The following TNNT3 variants were observed in gnomAD, a reference collection of about 807,000 sequenced individuals.
TNNT3 encodes troponin T, fast skeletal muscle.
TNNT3 carries 36 observed loss-of-function variants against 54.2 expected under a neutral mutation model. The ratio of observed to expected loss-of-function variants is 0.66; its 90% CI spans 0.51 to 0.88. The LOEUF (loss-of-function observed/expected upper bound fraction) is 0.88, where lower values mean the gene tolerates loss of function less well. Among genes scored for constraint, TNNT3 ranks in the 40% least tolerant of loss-of-function variants. TNNT3 has a pLI of 0.00. For missense variants in TNNT3, 291 were observed against 331.6 expected (o/e 0.88, Z 0.95); for synonymous variants, 120 against 109.7 (o/e 1.09, Z -0.59).
chr11:1,934,516 G>C (rs767259065), intron 12 of TNNT3, 30 bp from the exon 13 acceptor site: 7 of 1,607,408 alleles, frequency 4.4e-6, no homozygotes, highest in Non-Finnish European at 5.1e-6. Context: ...CCTGAGACCA[G>C]GCCCCTCTCT....
In TNNT3 at chr11:1,922,883, C is replaced by A. The variant is rs750777064; in HGVS notation, c.9C>A (p.Asp3Glu). The change falls in exon 2 of 16, where the codon GAC becomes GAA. Residue 3 changes from aspartate (D) to glutamate (E), a missense_variant. By Grantham distance (45) the Asp-to-Glu change is conservative. Transcript: ENST00000278317. MSDEEVEQVEEQY... is the reference protein window; with the variant it reads MSEEEVEQVEEQY... ...AACCACCCACCTTCACCATGTCTGACGAGGAAGTGTGAGTACCCAGCTGGT... is the reference window on the plus strand; with the variant it reads ...AACCACCCACCTTCACCATGTCTGAAGAGGAAGTGTGAGTACCCAGCTGGT... The A allele has an allele frequency of 1.2e-6, 2 of 1,613,638 alleles. No homozygotes were observed. The highest frequency in any genetic ancestry group is 1.7e-6 in the Non-Finnish European group (2 of 1,180,002).
intron 6 of TNNT3, among the ~76,000 whole-genome samples, chr11:1,927,428 C>A (rs1004761387): frequency 1.3e-5 from 2 of 152,146 alleles, no homozygotes; most frequent in Non-Finnish European, 2.9e-5. Context: ...TGCTTCTCAG[C>A]TCCCCCCGTT....
chr11:1,932,407 G>C, intron 8 of TNNT3, 62 bp from the exon 9 acceptor site: 1 of 1,548,102 alleles, frequency 6.5e-7, no homozygotes, highest in East Asian at 2.2e-5. Flanking sequence ...GAAAGCGCCA[G>C]GCTGACCCTC....
rs1855053483 is a variant in TNNT3 at position 1,936,393 on chromosome 11, C to G, written c.682-570C>G. ...GGAGCCTTCCTCCTGCCCCCGCTCTCCCCTCGTGCCTGCAGCCGGGGGCTT... is the reference window on the plus strand; with the variant it reads ...GGAGCCTTCCTCCTGCCCCCGCTCTGCCCTCGTGCCTGCAGCCGGGGGCTT... On this transcript the variant is annotated intron_variant, in intron 14 of 15. Coordinates refer to ENST00000278317, the MANE Select transcript of TNNT3 (RefSeq NM_006757.4). 6 of 959,018 alleles carry G rather than the reference C, an allele frequency of 6.3e-6. No individual in the cohort carries two copies. The South Asian group carries it at 7.2e-5, about 12-fold the overall frequency. The allele number at this position is 959,018 out of a possible 1,614,324, so 59.4% of individuals were successfully genotyped here.
At chr11:1,924,842 T>A (rs1276132813) in intron 4 of TNNT3, 3 of 608,412 alleles carry the variant, frequency 4.9e-6, no homozygotes, top group Non-Finnish European at 8.9e-6. Flanking sequence ...GGGAGGGGCC[T>A]CAGAACCCCT....
At chr11:1,934,060 A>G (rs2133458930) in intron 11 of TNNT3, 52 bp downstream of exon 11, 1 of 1,556,972 alleles carries the variant, frequency 6.4e-7, no homozygotes, top group East Asian at 2.3e-5. Context: ...CCCCAGGCCC[A>G]GAGAAATGCA....
At chr11:1,923,211 A>C in intron 3 of TNNT3, 150 bp downstream of exon 3, 1 of 1,164,788 alleles carries the variant, frequency 8.6e-7, no homozygotes, top group East Asian at 2.3e-5. Context: ...CCCCCGGAAA[A>C]CAGCTGTCCA....
Position 1,938,570 on chromosome 11 carries a change from TC to T in TNNT3, c.*80del. The T allele has an allele frequency of 6.9e-7, 1 of 1,445,562 alleles. No individual in the cohort carries two copies. The highest frequency in any genetic ancestry group is 2.4e-5 in the East Asian group (1 of 41,910). 89.5% of individuals were successfully genotyped at this position (1,445,562 alleles called of 1,614,324 possible). The stretch of plus-strand genomic sequence containing the variant: ...GGGCCGCTCGTGGGACTCCACATCC[TC>T]CAGCCCCCACAATCCTGTCAGGGGC... On this transcript the variant is annotated 3_prime_UTR_variant, in exon 16 of 16. Coordinates refer to ENST00000278317, the MANE Select transcript of TNNT3 (RefSeq NM_006757.4).
chr11:1,929,375 C>A (rs1275626086), intron 7 of TNNT3, among the ~76,000 whole-genome samples: 1 of 152,192 alleles, frequency 6.6e-6, no homozygotes, highest in Non-Finnish European at 1.5e-5. Flanking sequence ...TGCCACACAG[C>A]GGAGGGGGAG....
At chr11:1,933,007 CCCACCCAT>C (rs1853866591) in intron 9 of TNNT3, among the ~76,000 whole-genome samples, 1 of 151,660 alleles carries the variant, frequency 6.6e-6, no homozygotes, top group African/African-American at 2.4e-5. Context: ...TACTCGCTCA[CCCACCCAT>C]CCACCCATCC....
chr11:1,919,587 A>G (rs1849639638), upstream of TNNT3: 1 of 152,220 alleles, frequency 6.6e-6, no homozygotes, highest in Admixed American at 6.5e-5. Context: ...AGGGGCCTGC[A>G]CGGGCATAGC....
At chr11:1,925,013 C>T (rs372516091) in intron 4 of TNNT3, 86 bp from the exon 5 acceptor site, 55 of 1,514,252 alleles carry the variant, frequency 3.6e-5, no homozygotes, top group South Asian at 1.1e-4. Flanking sequence ...CCTGTCCTTG[C>T]GGCCTGAGTA....
In TNNT3 at chr11:1,934,627, A is replaced by G. The variant is rs753608301; in HGVS notation, c.562A>G (p.Ile188Val). The change falls in exon 13 of 16, where the codon ATC (isoleucine) becomes GTC (valine). Residue 188 changes from isoleucine (I) to valine (V), a missense_variant. Coordinates refer to ENST00000278317, the MANE Select transcript of TNNT3 (RefSeq NM_006757.4). ...GGCTGAGAGACGCAAGCCGCTCAAC[A>G]TCGATCACCTTGGTGAAGACAAACT... is the stretch of plus-strand genomic sequence containing the variant. ...ILAERRKPLN[I>V]DHLGEDKLRD... is the part of the protein sequence containing the mutation. 1.2e-6 allele frequency: 2 copies of G among 1,609,548 alleles called. No homozygotes were observed. Among genetic ancestry groups the G allele is most frequent in the African/African-American group, 2.7e-5 (2 of 74,810 alleles).
chr11:1,930,990 T>C (rs1290950561), intron 8 of TNNT3, among the ~76,000 whole-genome samples: 2 of 152,254 alleles, frequency 1.3e-5, no homozygotes, highest in African/African-American at 4.8e-5. Context: ...CTTCCTTTTT[T>C]CCATGCATAG....
chr11:1,934,499 G>T (rs1854372311), intron 12 of TNNT3, 47 bp from the exon 13 acceptor site: 1 of 1,607,662 alleles, frequency 6.2e-7, no homozygotes, highest in Non-Finnish European at 8.5e-7. Context: ...GCTACGCCCT[G>T]TGCCCTCCTG....
chr11:1,922,920 G>C (rs776138863), intron 2 of TNNT3, 29 bp downstream of exon 2: 2 of 1,613,678 alleles, frequency 1.2e-6, no homozygotes, highest in Non-Finnish European at 1.7e-6. Context: ...GCTGCCCCCT[G>C]CCTGGCTCGG....
At chr11:1,925,054 C>T in intron 4 of TNNT3, 45 bp from the exon 5 acceptor site, 1 of 1,610,208 alleles carries the variant, frequency 6.2e-7, no homozygotes, top group Non-Finnish European at 8.5e-7. Context: ...TTCCCTGTCT[C>T]CCTCAACCCC....
At chr11:1,935,057 T>C (rs1854566152) in intron 14 of TNNT3, 138 bp downstream of exon 14, 1 of 814,702 alleles carries the variant, frequency 1.2e-6, no homozygotes, top group Non-Finnish European at 2.1e-6. Flanking sequence ...AACAGGCTGT[T>C]GCCACGGACC....
At chr11:1,920,985 C>A (rs772506042) in intron 1 of TNNT3, among the ~76,000 whole-genome samples, 1 of 152,120 alleles carries the variant, frequency 6.6e-6, no homozygotes, top group Non-Finnish European at 1.5e-5. Flanking sequence ...CAGCGCACGT[C>A]GGGGGGCCTG....
Sources: allele counts gnomAD v4.1 joint callset (sites outside exome capture counted in the v4.1 genomes callset), GRCh38; gene constraint gnomAD v4.1.1; transcripts MANE v1.5; gene names NCBI Gene and HGNC (gene_info 2026-07-23, HGNC 2026-07-21).